KSR1: variants seen among roughly 807,000 people sequenced by gnomAD.
KSR1 encodes kinase suppressor of ras 1.
A neutral mutation model predicts 92.9 loss-of-function variants in KSR1; 35 were observed. That is an observed-to-expected ratio of 0.38 (90% confidence interval 0.29 to 0.50). The LOEUF (loss-of-function observed/expected upper bound fraction) is 0.50. Ranked by LOEUF, KSR1 falls within the 20% of genes least tolerant of loss-of-function variation. The pLI, the probability that KSR1 is intolerant of heterozygous loss-of-function variation, is 0.94. For missense variants in KSR1, 972 were observed against 1,158.5 expected (o/e 0.84, Z 2.34); for synonymous variants, 467 against 472.6 (o/e 0.99, Z 0.15).
intron 1 of KSR1, chr17:27,526,868 G>A (rs536888784): frequency 3.1e-5 from 21 of 671,894 alleles, no homozygotes; most frequent in Admixed American, 2.1e-4. Flanking sequence ...GCAGGAAGTA[G>A]AGCTGCTCCA....
intron 1 of KSR1, among the ~76,000 whole-genome samples, chr17:27,528,024 A>C (rs1484300665): frequency 6.6e-6 from 1 of 152,150 alleles, no homozygotes; most frequent in African/African-American, 2.4e-5. Flanking sequence ...TGACCTAATT[A>C]GTGTATCGAG....
chr17:27,524,401 G>A (rs989695690), intron 1 of KSR1, among the ~76,000 whole-genome samples: 3 of 152,194 alleles, frequency 2.0e-5, no homozygotes, highest in Non-Finnish European at 4.4e-5. Context: ...TGAACTTGAA[G>A]GGAATGAGAG....
rs749529 is a variant in KSR1 at position 27,624,618 on chromosome 17, C to G, written c.*1226C>G. 30,986 of 152,176 alleles carry G rather than the reference C, an allele frequency of 0.2. 3,353 individuals are homozygous for G. The highest frequency in any genetic ancestry group is 0.28 in the Admixed American group (4,257 of 15,296). The allele number at this position is 152,176 out of a possible 1,614,324, so 9.4% of individuals were successfully genotyped here. On this transcript the variant is annotated 3_prime_UTR_variant, in exon 21 of 21. Transcript: ENST00000644974. The stretch of plus-strand genomic sequence containing the variant: ...ACCACGCTTGTCTTCGTTAGAAACT[C>G]TTAACTGCAGAAAAAAGTTCCAGAT...
chr17:27,513,271 T>G (rs982694784), intron 1 of KSR1, among the ~76,000 whole-genome samples: 10 of 152,154 alleles, frequency 6.6e-5, no homozygotes, highest in African/African-American at 2.4e-4. Context: ...AACATTTTGT[T>G]TGTTTACATT....
At chr17:27,557,619 C>T (rs2071655362) in intron 2 of KSR1, among the ~76,000 whole-genome samples, 1 of 152,180 alleles carries the variant, frequency 6.6e-6, no homozygotes, top group African/African-American at 2.4e-5. Context: ...CTTCATCTCT[C>T]TGGGCCTCAG....
chr17:27,585,303 C>A (rs888536748), intron 4 of KSR1, among the ~76,000 whole-genome samples: 2 of 152,192 alleles, frequency 1.3e-5, no homozygotes, highest in African/African-American at 4.8e-5. Context: ...AGCCATGTGA[C>A]CTACTGAGCC....
In KSR1 at chr17:27,610,070, T is replaced by C. The variant is rs1463111529; in HGVS notation, c.2229T>C (p.Arg743=). 1 of 1,613,858 alleles carries C rather than the reference T, an allele frequency of 6.2e-7. No homozygotes were observed. ...GTCCCGGCTTCCTGGTCTCCAGGCG[T>C]GAGAACCAGCTAAAGCTGTCCCACG... The part of the protein sequence containing the change: ...GISGVVREGR[R]ENQLKLSHDW... The change falls in exon 17 of 21, where the codon CGT becomes CGC. Residue 743 remains arginine (R), a synonymous_variant. Coordinates refer to ENST00000644974, the MANE Select transcript of KSR1 (RefSeq NM_001394583.1).
chr17:27,456,980 C>A (rs1483065774), intron 1 of KSR1, 106 bp downstream of exon 1: 2 of 689,092 alleles, frequency 2.9e-6, no homozygotes, highest in Non-Finnish European at 5.3e-6. Context: ...GCGTCGCCCC[C>A]CTTGGAGGCT....
chr17:27,593,191 G>A (rs1221914082), intron 9 of KSR1, among the ~76,000 whole-genome samples: 1 of 152,238 alleles, frequency 6.6e-6, no homozygotes, highest in African/African-American at 2.4e-5. Context: ...TCTCTGCTGA[G>A]GCAGACGGGT....
intron 6 of KSR1, among the ~76,000 whole-genome samples, chr17:27,589,542 A>T (rs192280360): frequency 9.8e-4 from 149 of 152,336 alleles, no homozygotes; most frequent in Non-Finnish European, 1.8e-3. Context: ...TGGCATGGGC[A>T]TAAGAATCAA....
At chr17:27,483,322 T>G (rs1241927693) in intron 1 of KSR1, among the ~76,000 whole-genome samples, 1 of 152,132 alleles carries the variant, frequency 6.6e-6, no homozygotes, top group Non-Finnish European at 1.5e-5. Context: ...GCACAGTGGC[T>G]CACGCCTGTA....
rs1243442600 is a variant in KSR1 at position 27,559,366 on chromosome 17, T to G, written c.372+8658T>G. ...AGACAGAACTTGGGCAATGCCTGCATGTGTTTGCCCAACCACTAGATCTTC... is the reference window on the plus strand; with the variant it reads ...AGACAGAACTTGGGCAATGCCTGCAGGTGTTTGCCCAACCACTAGATCTTC... On this transcript the variant is annotated intron_variant, in intron 2 of 20. Coordinates refer to ENST00000644974, the MANE Select transcript of KSR1 (RefSeq NM_001394583.1). This position sits in a 1 kb window ranked among gnomAD's most constrained non-coding sequence, Gnocchi z 4.2. Among the ~76,000 whole-genome samples the G allele has an allele frequency of 6.6e-6, 1 of 152,260 alleles. No individual in the cohort carries two copies. The highest frequency in any genetic ancestry group is 1.5e-5 in the Non-Finnish European group (1 of 68,046).
intron 2 of KSR1, among the ~76,000 whole-genome samples, chr17:27,564,551 G>A (rs1409402567): frequency 3.9e-5 from 6 of 152,188 alleles, no homozygotes; most frequent in Admixed American, 1.3e-4. Flanking sequence ...GGCTTGCTCC[G>A]CATGGCAGGT....
intron 1 of KSR1, among the ~76,000 whole-genome samples, chr17:27,530,359 C>T (rs560160954): frequency 2.0e-5 from 3 of 151,966 alleles, no homozygotes; most frequent in East Asian, 3.9e-4. Flanking sequence ...GTGGGAGGAT[C>T]GTTTGAGCCT....
intron 1 of KSR1, among the ~76,000 whole-genome samples, chr17:27,545,321 G>A (rs2071128209): frequency 6.6e-6 from 1 of 152,222 alleles, no homozygotes; most frequent in Admixed American, 6.5e-5. Context: ...GCTGCCATTT[G>A]ATAAACTTTG....
At chr17:27,567,115 C>T (rs915559610) in intron 2 of KSR1, among the ~76,000 whole-genome samples, 2 of 152,174 alleles carry the variant, frequency 1.3e-5, no homozygotes, top group Non-Finnish European at 2.9e-5. Context: ...AGGCTACTTA[C>T]ACGGTGGTGA....
chr17:27,494,097 C>T (rs2068906808), intron 1 of KSR1, among the ~76,000 whole-genome samples: 1 of 151,976 alleles, frequency 6.6e-6, no homozygotes, highest in African/African-American at 2.4e-5. Flanking sequence ...CTTGGGGAGT[C>T]TCTGTGAATT....
intron 2 of KSR1, among the ~76,000 whole-genome samples, chr17:27,572,491 C>G (rs76512877): frequency 5.8e-4 from 88 of 152,338 alleles, no homozygotes; most frequent in Non-Finnish European, 1.1e-3. Context: ...CAGCCGGGTT[C>G]TCCAGAACTT....
At chr17:27,489,970 C>T (rs2068773158) in intron 1 of KSR1, among the ~76,000 whole-genome samples, 1 of 152,212 alleles carries the variant, frequency 6.6e-6, no homozygotes. Flanking sequence ...TTCAAAGAGG[C>T]CAACAGGCCA....
Sources: gnomAD v4.1 joint callset for allele counts (sites outside exome capture counted in the v4.1 genomes callset) on GRCh38, gnomAD v4.1.1 for gene constraint, Gnocchi (gnomAD v3.1) non-coding constraint, MANE v1.5 for transcripts, NCBI Gene and HGNC (gene_info 2026-07-23, HGNC 2026-07-21) for gene names.